The following WASF3 variants were observed in gnomAD, a reference collection of about 807,000 sequenced individuals.
The protein encoded by WASF3 is WASP family member 3, also known as actin-binding protein WASF3.
A neutral mutation model predicts 46.6 loss-of-function variants in WASF3; 11 were observed. The observed-to-expected ratio is 0.24, with a 90% CI of 0.15 to 0.39. WASF3 has a LOEUF of 0.39. Among genes scored for constraint, WASF3 ranks in the 10% least tolerant of loss-of-function variants. The probability of loss-of-function intolerance (pLI) is 1.00; values close to 1 mark genes in which losing one functional copy is unlikely to be tolerated. For missense variants in WASF3, 576 were observed against 669.8 expected, an observed-to-expected ratio of 0.86 and a Z score of 1.55; for synonymous variants, 242 against 259.7, an observed-to-expected ratio of 0.93 and a Z score of 0.65.
the WASF3 span, among the ~76,000 whole-genome samples, chr13:26,544,863 G>T: frequency 6.6e-6 from 1 of 152,256 alleles, no homozygotes; most frequent in Non-Finnish European, 1.5e-5. Context: ...AGCTACACGT[G>T]CTCTGCCTGT....
At chr13:26,678,111 TAA>T (rs1566073046) in intron 7 of WASF3, among the ~76,000 whole-genome samples, 2 of 133,548 alleles carry the variant, frequency 1.5e-5, no homozygotes. Flanking sequence ...TTTCAAAAAA[TAA>T]GTCTGATTGT....
the WASF3 span, among the ~76,000 whole-genome samples, chr13:26,541,645 C>CT: frequency 0.21 from 31,381 of 150,684 alleles, 3,583 homozygotes; most frequent in Admixed American, 0.27. Context: ...CGGAAGCCCA[C>CT]TTTTTTTTTT....
intron 3 of WASF3, among the ~76,000 whole-genome samples, chr13:26,653,286 C>G (rs1457695058): frequency 6.6e-6 from 1 of 152,112 alleles, no homozygotes; most frequent in East Asian, 1.9e-4. Context: ...TCATTCTCAT[C>G]AAGTATAAAT....
intron 1 of WASF3, among the ~76,000 whole-genome samples, chr13:26,592,314 T>A: frequency 6.6e-6 from 1 of 152,216 alleles, no homozygotes; most frequent in Admixed American, 6.5e-5. Flanking sequence ...GGAGTGAATC[T>A]GTTTTATTTA....
chr13:26,631,223 C>T (rs1881641144), intron 2 of WASF3, among the ~76,000 whole-genome samples: 1 of 152,054 alleles, frequency 6.6e-6, no homozygotes, highest in Non-Finnish European at 1.5e-5. Context: ...CACAGGGACT[C>T]ATGGAGTCCT....
chr13:26,656,106 C>T (rs1282883134), intron 3 of WASF3, among the ~76,000 whole-genome samples: 1 of 152,116 alleles, frequency 6.6e-6, no homozygotes, highest in Non-Finnish European at 1.5e-5. Context: ...AGGACTCATA[C>T]AAGATACCTT....
intron 3 of WASF3, among the ~76,000 whole-genome samples, chr13:26,645,369 A>G (rs1218507388): frequency 2.0e-5 from 3 of 152,196 alleles, no homozygotes; most frequent in African/African-American, 7.2e-5. Flanking sequence ...CAGAACTGTG[A>G]GAAATAAATT....
chr13:26,590,210 G>T (rs903376418), intron 1 of WASF3, among the ~76,000 whole-genome samples: 1 of 151,430 alleles, frequency 6.6e-6, no homozygotes, highest in South Asian at 2.1e-4. Context: ...TTTTTTATTC[G>T]TGACCCTCTG....
Position 26,679,553 on chromosome 13 carries a change from A to G in WASF3, c.717-1501A>G, listed in dbSNP as rs946653354. ...TATAGTTTCCTACCCTCATCTCATC[A>G]GAAAGCTGTCCATGTTTGGCTGGAG... is the stretch of plus-strand genomic sequence containing the variant. On this transcript the variant is annotated intron_variant, in intron 7 of 9. Transcript: ENST00000335327. The surrounding 1 kb of genome is among the most constrained non-coding windows in gnomAD (Gnocchi z 4.8). Among the ~76,000 whole-genome samples, 1 of 152,142 alleles carries G rather than the reference A, an allele frequency of 6.6e-6. No homozygotes were observed. Among genetic ancestry groups the G allele is most frequent in the African/African-American group, 2.4e-5 (1 of 41,418 alleles).
chr13:26,597,519 A>G (rs527695114), intron 1 of WASF3, among the ~76,000 whole-genome samples: 15 of 151,958 alleles, frequency 9.9e-5, no homozygotes, highest in Admixed American at 7.9e-4. Flanking sequence ...TTTAGGGTAC[A>G]TGTGCACAAC....
chr13:26,595,580 C>G (rs944841418), intron 1 of WASF3, among the ~76,000 whole-genome samples: 7 of 150,448 alleles, frequency 4.7e-5, no homozygotes, highest in Non-Finnish European at 8.9e-5. Flanking sequence ...TGTGTAGATT[C>G]GTATAACCGC....
intron 1 of WASF3, among the ~76,000 whole-genome samples, chr13:26,573,841 CA>C (rs1469300466): frequency 1.3e-5 from 2 of 152,180 alleles, no homozygotes; most frequent in Non-Finnish European, 2.9e-5. Flanking sequence ...CACCCCTCTC[CA>C]AAGGTAACCA....
Position 26,687,397 on chromosome 13 carries a change from A to C in WASF3, c.*1552A>C, listed in dbSNP as rs1883440249. ...GTGATGGGGGTTTTTGTTAAAATGCATCTGAGCAAGTCAGCCAGCCCCGAA... is the reference window on the plus strand; with the variant it reads ...GTGATGGGGGTTTTTGTTAAAATGCCTCTGAGCAAGTCAGCCAGCCCCGAA... On this transcript the variant is annotated 3_prime_UTR_variant, in exon 10 of 10. Coordinates refer to ENST00000335327, the MANE Select transcript of WASF3 (RefSeq NM_006646.6). 6.6e-6 allele frequency: 1 copy of C among 152,220 alleles called. No individual in the cohort carries two copies. The allele number at this position is 152,220 out of a possible 1,614,324, so 9.4% of individuals were successfully genotyped here.
chr13:26,575,412 C>G (rs557197651), intron 1 of WASF3, among the ~76,000 whole-genome samples: 31 of 152,256 alleles, frequency 2.0e-4, no homozygotes, highest in African/African-American at 7.0e-4. Context: ...CTTTTGCTTA[C>G]GTTTCTTTAG....
At chr13:26,625,984 C>G (rs1424811368) in intron 2 of WASF3, 1 of 152,032 alleles carries the variant, frequency 6.6e-6, no homozygotes, top group Non-Finnish European at 1.5e-5. Flanking sequence ...GCTTTTGGAC[C>G]AAAGAACAGG....
intron 7 of WASF3, 133 bp downstream of exon 7, chr13:26,676,857 A>AGT: frequency 1.2e-6 from 1 of 838,864 alleles, no homozygotes; most frequent in South Asian, 2.6e-5. Context: ...TTTCCTTAAA[A>AGT]ATTGTTTATC....
chr13:26,610,826 C>T (rs1880952017), intron 1 of WASF3, among the ~76,000 whole-genome samples: 1 of 152,164 alleles, frequency 6.6e-6, no homozygotes, highest in African/African-American at 2.4e-5. Flanking sequence ...TTCCACTTAG[C>T]AGCCTTAACC....
intron 1 of WASF3, among the ~76,000 whole-genome samples, chr13:26,564,298 A>T (rs573337491): frequency 6.6e-6 from 1 of 152,316 alleles, no homozygotes; most frequent in South Asian, 2.1e-4. Flanking sequence ...TGCATAGCAT[A>T]TGTGTGTTCC....
In WASF3 at chr13:26,665,228, G is replaced by A. The variant is rs867491695; in HGVS notation, c.268+66G>A. 197 of 1,549,200 alleles carry A rather than the reference G, an allele frequency of 1.3e-4. No individual in the cohort carries two copies. The Middle Eastern group carries it at 3.6e-3, about 28-fold the overall frequency. ...GACAAGATGGTAGTAATTAATTGCAGTGTAATTACTGCTTTTTCCTTGGGA... is the reference window on the plus strand; with the variant it reads ...GACAAGATGGTAGTAATTAATTGCAATGTAATTACTGCTTTTTCCTTGGGA... On this transcript the variant is annotated intron_variant, in intron 4 of 9. Transcript: ENST00000335327.
Sources: allele counts gnomAD v4.1 joint callset (sites outside exome capture counted in the v4.1 genomes callset), GRCh38; gene constraint gnomAD v4.1.1; non-coding constraint Gnocchi (gnomAD v3.1); transcripts MANE v1.5; gene names NCBI Gene and HGNC (gene_info 2026-07-23, HGNC 2026-07-21).